Variants in GRK3 observed in about 807,000 individuals in gnomAD.
GRK3 encodes G protein-coupled receptor kinase 3, also known as adrenergic, beta, receptor kinase 2.
A neutral mutation model predicts 95.7 loss-of-function variants in GRK3; 54 were observed. The ratio of observed to expected loss-of-function variants is 0.56; its 90% CI spans 0.45 to 0.71. GRK3 has a LOEUF of 0.71. GRK3 is among the 30% of genes least tolerant of loss of function. The pLI is 0.00. For missense variants in GRK3, 649 were observed against 851.2 expected (o/e 0.76, Z 2.96); for synonymous variants, 281 against 290.8 (o/e 0.97, Z 0.34).
intron 3 of GRK3, among the ~76,000 whole-genome samples, chr22:25,658,664 A>G (rs2084889556): frequency 6.6e-6 from 1 of 152,178 alleles, no homozygotes; most frequent in Admixed American, 6.5e-5. Context: ...TCTGTTAGGA[A>G]TTAATTGGTT....
At chr22:25,673,005 G>A (rs941975525) in intron 7 of GRK3, among the ~76,000 whole-genome samples, 3 of 140,134 alleles carry the variant, frequency 2.1e-5, no homozygotes, top group East Asian at 2.1e-4. Flanking sequence ...ACAATCAACC[G>A]GAATTTTTTT....
chr22:25,647,327 C>A, intron 3 of GRK3: 1 of 1,230,468 alleles, frequency 8.1e-7, no homozygotes, highest in Non-Finnish European at 1.2e-6. Context: ...TACTCCAGAG[C>A]CTGTCAGTAC....
chr22:25,596,300 TAAAGAA>T (rs1340327062), intron 1 of GRK3, among the ~76,000 whole-genome samples: 3 of 152,192 alleles, frequency 2.0e-5, no homozygotes, highest in African/African-American at 7.2e-5. Context: ...TTTAATTTAC[TAAAGAA>T]AAAGATTGCT....
At chr22:25,609,442 T>C (rs1601470788) in intron 2 of GRK3, among the ~76,000 whole-genome samples, 1 of 151,986 alleles carries the variant, frequency 6.6e-6, no homozygotes, top group Admixed American at 6.6e-5. Flanking sequence ...AGCAATGCTC[T>C]TGCCTCAGCC....
At chr22:25,647,232 T>G (rs1180810911) in intron 3 of GRK3, 3 of 399,434 alleles carry the variant, frequency 7.5e-6, no homozygotes, top group African/African-American at 2.6e-5. Context: ...CAGCGACTCA[T>G]GAGAGCACAG....
At chr22:25,658,321 A>C (rs1232541199) in intron 3 of GRK3, among the ~76,000 whole-genome samples, 1 of 152,052 alleles carries the variant, frequency 6.6e-6, no homozygotes, top group African/African-American at 2.4e-5. Context: ...AGGTGTATGG[A>C]TTTTTTCATC....
At chr22:25,688,076 A>G (rs1055548372) in intron 11 of GRK3, among the ~76,000 whole-genome samples, 28 of 152,150 alleles carry the variant, frequency 1.8e-4, no homozygotes, top group East Asian at 7.7e-4. Flanking sequence ...CTCTACTAAA[A>G]ATACAAAAAA....
intron 8 of GRK3, among the ~76,000 whole-genome samples, chr22:25,677,966 A>C (rs1299806354): frequency 1.3e-5 from 2 of 152,206 alleles, no homozygotes. Context: ...TTCTCAATTG[A>C]CTTGCCTCAA....
chr22:25,726,699 C>T lies in GRK3; in HGVS notation c.*4249C>T, dbSNP rs1051590432. ...AATAGGTGAAGTTTCTTTTTTCCCC[C>T]CTGTAACAGGAGAGTTTTCCTTATG... On this transcript the variant is annotated 3_prime_UTR_variant, in exon 21 of 21. Transcript: ENST00000324198. 6.6e-6 allele frequency: 1 copy of T among 152,092 alleles called. No individual in the cohort carries two copies. Among genetic ancestry groups the T allele is most frequent in the Non-Finnish European group, 1.5e-5 (1 of 68,006 alleles). The allele number at this position is 152,092 out of a possible 1,614,324, so 9.4% of individuals were successfully genotyped here.
chr22:25,624,111 C>T (rs112788855), intron 2 of GRK3, among the ~76,000 whole-genome samples: 3,014 of 152,206 alleles, frequency 0.02, 46 homozygotes, highest in Non-Finnish European at 0.028. Flanking sequence ...GAACTTGCCT[C>T]CATCTTTTTT....
intron 18 of GRK3, 88 bp downstream of exon 18, chr22:25,714,658 G>T (rs2085369457): frequency 7.7e-7 from 1 of 1,302,894 alleles, no homozygotes; most frequent in Non-Finnish European, 1.0e-6. Context: ...TGGGTCGTAA[G>T]GTATTTTGCA....
At chr22:25,584,247 A>G (rs1932209924) in intron 1 of GRK3, among the ~76,000 whole-genome samples, 2 of 152,268 alleles carry the variant, frequency 1.3e-5, no homozygotes, top group East Asian at 1.9e-4. Flanking sequence ...AGGCCTGAAA[A>G]TGTTACATGG....
intron 2 of GRK3, among the ~76,000 whole-genome samples, chr22:25,626,902 A>G (rs181137411): frequency 4.6e-5 from 7 of 152,324 alleles, no homozygotes; most frequent in East Asian, 3.9e-4. Context: ...GGCTTTTGAT[A>G]ACATCTTCAC....
intron 2 of GRK3, among the ~76,000 whole-genome samples, chr22:25,614,326 G>C (rs2084521790): frequency 6.6e-6 from 1 of 152,170 alleles, no homozygotes; most frequent in South Asian, 2.1e-4. Flanking sequence ...TAGAGATAAG[G>C]ATTTGCCATG....
intron 3 of GRK3, among the ~76,000 whole-genome samples, chr22:25,658,311 A>G (rs77412052): frequency 0.044 from 6,673 of 152,250 alleles, 185 homozygotes; most frequent in Non-Finnish European, 0.066. Flanking sequence ...TGCTCCTCCA[A>G]GGTGTATGGA....
intron 3 of GRK3, 30 bp from the exon 4 acceptor site, chr22:25,661,546 A>G (rs1338137259): frequency 5.5e-6 from 8 of 1,446,282 alleles, no homozygotes; most frequent in South Asian, 1.2e-5. Context: ...GGAAGATACA[A>G]CCTAACAATG....
At chr22:25,682,145 A>G (rs965285278) in intron 9 of GRK3, among the ~76,000 whole-genome samples, 1 of 152,206 alleles carries the variant, frequency 6.6e-6, no homozygotes, top group Non-Finnish European at 1.5e-5. Flanking sequence ...GGTAATTAAA[A>G]CAGCATTTAT....
intron 6 of GRK3, among the ~76,000 whole-genome samples, chr22:25,668,205 A>G (rs2084955369): frequency 1.3e-5 from 2 of 152,262 alleles, no homozygotes; most frequent in African/African-American, 2.4e-5. Flanking sequence ...GTAGAATTTA[A>G]GGACATAGGT....
intron 8 of GRK3, 37 bp downstream of exon 8, chr22:25,674,565 T>C: frequency 1.4e-6 from 2 of 1,410,446 alleles, no homozygotes; most frequent in South Asian, 2.4e-5. Flanking sequence ...ACTGGCACTA[T>C]TAAAATTTTA....
Sources: allele counts gnomAD v4.1 joint callset (sites outside exome capture counted in the v4.1 genomes callset), GRCh38; gene constraint gnomAD v4.1.1; transcripts MANE v1.5; gene names NCBI Gene and HGNC (gene_info 2026-07-23, HGNC 2026-07-21).